ENTPD1: variants seen among roughly 807,000 people sequenced by gnomAD.
The protein encoded by ENTPD1 is ectonucleoside triphosphate diphosphohydrolase 1.
ENTPD1 carries 33 observed loss-of-function variants against 57.0 expected under a neutral mutation model. The ratio of observed to expected loss-of-function variants is 0.58; its 90% confidence interval spans 0.44 to 0.77. The LOEUF is 0.77. Ranked by LOEUF, ENTPD1 falls within the 30% of genes least tolerant of loss-of-function variation. The pLI, the probability that ENTPD1 is intolerant of heterozygous loss-of-function variation, is 0.00. For missense variants in ENTPD1, 501 were observed against 603.4 expected, an observed-to-expected ratio of 0.83 and a Z score of 1.78; for synonymous variants, 202 against 218.8, an observed-to-expected ratio of 0.92 and a Z score of 0.68.
rs193208243 is a variant in ENTPD1, at chr10:95,774,706, C to A, written c.16+18451C>A. ...CTGGTCTATCTCTCTGTTTTGGTAC[C>A]AGTACCATGCTGTTTTGGTTACTGT... On this transcript the variant is annotated intron_variant, in intron 1 of 9. Coordinates refer to ENST00000371205, the MANE Select transcript of ENTPD1 (RefSeq NM_001776.6). Among the ~76,000 whole-genome samples the A allele has an allele frequency of 1.3e-4, 20 of 152,274 alleles. No individual in the cohort carries two copies. In the East Asian group the frequency reaches 3.9e-3, roughly 29 times the overall value.
At chr10:95,701,842 A>G in the ENTPD1 span, among the ~76,000 whole-genome samples, 1 of 152,176 alleles carries the variant, frequency 6.6e-6, no homozygotes, top group Admixed American at 6.5e-5. Flanking sequence ...TTGAGTTAAA[A>G]GAAAATAAAC....
intron 1 of ENTPD1, among the ~76,000 whole-genome samples, chr10:95,747,018 A>T (rs2098006767): frequency 6.6e-6 from 1 of 152,240 alleles, no homozygotes; most frequent in Non-Finnish European, 1.5e-5. Context: ...TGTAGGGATC[A>T]TAAAAAAGAT....
At chr10:95,696,564 G>C in the ENTPD1 span, among the ~76,000 whole-genome samples, 1 of 152,220 alleles carries the variant, frequency 6.6e-6, no homozygotes, top group Non-Finnish European at 1.5e-5. Context: ...ACAGGCATGA[G>C]CCACCGTGCC....
chr10:95,698,925 C>G, the ENTPD1 span, among the ~76,000 whole-genome samples: 2 of 152,156 alleles, frequency 1.3e-5, no homozygotes, highest in African/African-American at 4.8e-5. Context: ...AACAGGGAAT[C>G]TCAGTTACCA....
chr10:95,738,291 G>A (rs530747152), intron 1 of ENTPD1, among the ~76,000 whole-genome samples: 35 of 152,180 alleles, frequency 2.3e-4, no homozygotes, highest in Non-Finnish European at 4.1e-4. Context: ...GATTGGTAAT[G>A]TCCTGTGCCT....
In ENTPD1 at chr10:95,791,517, A is replaced by G. The variant is rs1269361699; in HGVS notation, c.17-31720A>G. On this transcript the variant is annotated intron_variant, in intron 1 of 9. Transcript: ENST00000371205. This position sits in a 1 kb window ranked among gnomAD's most constrained non-coding sequence, Gnocchi z 4.1. ...CTGGGATCAGAGAGTGGAAGTTAGA[A>G]TGAAACAGAACTTAGGTCAAGATAG... Among the ~76,000 whole-genome samples the G allele has an allele frequency of 1.3e-5, 2 of 152,218 alleles. No individual in the cohort carries two copies. Among genetic ancestry groups the G allele is most frequent in the Non-Finnish European group, 2.9e-5 (2 of 68,040 alleles).
In ENTPD1 at chr10:95,847,603, A is replaced by G; in HGVS notation, c.971A>G (p.Gln324Arg). The part of the protein sequence containing the change: ...FEIQGIGNYQ[Q>R]CHQSILELFN... ...ATCCAGGGTATTGGAAACTATCAAC[A>G]ATGCCATCAAAGCATCCTGGAGCTC... is the stretch of plus-strand genomic sequence containing the variant. The change falls in exon 7 of 10, where the codon CAA (glutamine) becomes CGA (arginine). Residue 324 changes from glutamine to arginine, a missense_variant. Gln to Arg is a conservative substitution (Grantham distance 43). Coordinates refer to ENST00000371205, the MANE Select transcript of ENTPD1 (RefSeq NM_001776.6). 6.2e-7 allele frequency: 1 copy of G among 1,614,152 alleles called. No individual in the cohort carries two copies.
At chr10:95,744,667 C>T (rs2098004188) in intron 1 of ENTPD1, among the ~76,000 whole-genome samples, 1 of 151,518 alleles carries the variant, frequency 6.6e-6, no homozygotes, top group African/African-American at 2.4e-5. Flanking sequence ...TCCTCTACCT[C>T]CCTCTGTGAG....
intron 1 of ENTPD1, among the ~76,000 whole-genome samples, chr10:95,736,873 C>G (rs549061641): frequency 6.6e-6 from 1 of 152,244 alleles, no homozygotes; most frequent in African/African-American, 2.4e-5. Context: ...TCAATTACTC[C>G]CAGTAGTTTC....
intron 1 of ENTPD1, among the ~76,000 whole-genome samples, chr10:95,737,816 C>T (rs555654070): frequency 6.6e-6 from 1 of 152,332 alleles, no homozygotes; most frequent in South Asian, 2.1e-4. Context: ...ATTGCAATGA[C>T]TGTGGAACAG....
chr10:95,876,642 G>A lies in ENTPD1; in HGVS notation c.*10259G>A. 4.1e-6 allele frequency: 5 copies of A among 1,228,762 alleles called. No individual in the cohort carries two copies. The highest frequency in any genetic ancestry group is 3.1e-4 in the Middle Eastern group (1 of 3,190). 76.1% of individuals were successfully genotyped at this position (1,228,762 alleles called of 1,614,324 possible). A position where few individuals can be genotyped will look rare whatever the true frequency, so the allele number is the denominator to read the frequency against. ...GTCTGTTTGAAGGATGTATTTGGCT[G>A]TCTTCTGGACAGGCCATTCTAATAA... On this transcript the variant is annotated 3_prime_UTR_variant, in exon 10 of 10. Transcript: ENST00000371205.
At position 95,867,531 on chromosome 10, in the gene ENTPD1, C is replaced by T; in HGVS notation, c.*1148C>T. On this transcript the variant is annotated 3_prime_UTR_variant, in exon 10 of 10. Transcript: ENST00000371205. ...TTAGTGTGGAGTGGCATGCTTTTGC[C>T]CTATCGTGGAATTTACACATCAGAA... The T allele has an allele frequency of 2.0e-6, 2 of 985,316 alleles. No homozygotes were observed. The highest frequency in any genetic ancestry group is 2.4e-6 in the Non-Finnish European group (2 of 829,902). 61.0% of individuals were successfully genotyped at this position (985,316 alleles called of 1,614,324 possible).
intron 3 of ENTPD1, among the ~76,000 whole-genome samples, 199 bp from the exon 4 acceptor site, chr10:95,842,145 C>A (rs1232425203): frequency 1.3e-5 from 2 of 152,120 alleles, no homozygotes; most frequent in Non-Finnish European, 2.9e-5. Flanking sequence ...TGAACAGACC[C>A]AACTTAAAGT....
At chr10:95,732,392 A>C (rs1170890892) in intron 1 of ENTPD1, among the ~76,000 whole-genome samples, 1 of 152,114 alleles carries the variant, frequency 6.6e-6, no homozygotes, top group Non-Finnish European at 1.5e-5. Context: ...GCTATTCCAC[A>C]CCCAGCCATC....
upstream of ENTPD1, among the ~76,000 whole-genome samples, chr10:95,707,705 A>G (rs2097963088): frequency 6.6e-6 from 1 of 152,184 alleles, no homozygotes. Context: ...CCTGCCTTCA[A>G]GCGATTCTCG....
chr10:95,831,980 A>G (rs746544463), intron 2 of ENTPD1, among the ~76,000 whole-genome samples: 6 of 152,242 alleles, frequency 3.9e-5, no homozygotes, highest in Non-Finnish European at 7.3e-5. Flanking sequence ...GGGCAAATTT[A>G]TTATACCCTT....
chr10:95,857,642 C>G (rs2098457489), intron 7 of ENTPD1, among the ~76,000 whole-genome samples: 1 of 152,158 alleles, frequency 6.6e-6, no homozygotes, highest in South Asian at 2.1e-4. Context: ...ATAAATTTAT[C>G]CAGATTTAAC....
intron 1 of ENTPD1, among the ~76,000 whole-genome samples, chr10:95,803,866 A>T (rs886320445): frequency 2.0e-5 from 3 of 152,048 alleles, no homozygotes; most frequent in Non-Finnish European, 4.4e-5. Context: ...ATCCTTCTTG[A>T]ATTAATTTTT....
At chr10:95,740,238 G>A (rs2097998931) in intron 1 of ENTPD1, among the ~76,000 whole-genome samples, 1 of 152,164 alleles carries the variant, frequency 6.6e-6, no homozygotes. Context: ...TGATTCTCGT[G>A]CCTCGGCCTC....
Sources: gnomAD v4.1 joint callset for allele counts (sites outside exome capture counted in the v4.1 genomes callset) on GRCh38, gnomAD v4.1.1 for gene constraint, Gnocchi (gnomAD v3.1) non-coding constraint, MANE v1.5 for transcripts, NCBI Gene and HGNC (gene_info 2026-07-23, HGNC 2026-07-21) for gene names.